The following OTOGL variants were observed in gnomAD, a reference collection of about 807,000 sequenced individuals.
The protein encoded by OTOGL is otogelin-like protein.
In OTOGL, 285 loss-of-function variants were observed where a neutral mutation model predicts 318.5. That is an observed-to-expected ratio of 0.89 (90% confidence interval 0.81 to 0.99). OTOGL has a LOEUF of 0.99. Ranked by LOEUF, OTOGL falls within the 50% of genes least tolerant of loss-of-function variation. The pLI is 0.00. For synonymous variants in OTOGL, 987 were observed against 936.5 expected (o/e 1.05, Z -0.99); for missense variants, 2,899 against 2,845.6 (o/e 1.02, Z -0.43).
chr12:80,165,696 A>G (rs1189916793), intron 1 of OTOGL, among the ~76,000 whole-genome samples: 1 of 152,242 alleles, frequency 6.6e-6, no homozygotes, highest in Non-Finnish European at 1.5e-5. Context: ...TACAAGTCAC[A>G]GATCCCATCC....
chr12:80,102,018 A>G (rs1869168306), intron 1 of OTOGL, among the ~76,000 whole-genome samples: 1 of 152,200 alleles, frequency 6.6e-6, no homozygotes, highest in African/African-American at 2.4e-5. Flanking sequence ...ATGTTCTCTT[A>G]TGCAACAATT....
chr12:80,175,462 T>C (rs931464804), intron 1 of OTOGL, among the ~76,000 whole-genome samples: 5 of 152,198 alleles, frequency 3.3e-5, no homozygotes, highest in African/African-American at 1.2e-4. Context: ...TGAAGTCACT[T>C]GTAGCATTGC....
chr12:80,233,320 C>T (rs1296664428), intron 9 of OTOGL, among the ~76,000 whole-genome samples: 1 of 152,206 alleles, frequency 6.6e-6, no homozygotes, highest in Non-Finnish European at 1.5e-5. Context: ...GAAGCACTTA[C>T]TCACATAACA....
chr12:80,238,760 G>A, intron 9 of OTOGL, 91 bp from the exon 10 acceptor site: 1 of 1,273,130 alleles, frequency 7.9e-7, no homozygotes. Flanking sequence ...TTTTGACCAG[G>A]AAGTTTGTGT....
intron 18 of OTOGL, among the ~76,000 whole-genome samples, chr12:80,259,281 C>T (rs1318946875): frequency 1.3e-5 from 2 of 151,330 alleles, no homozygotes; most frequent in African/African-American, 2.4e-5. Context: ...TCACTGTGGG[C>T]TGGGCAGCCA....
chr12:80,140,596 T>C (rs1475679093), intron 1 of OTOGL, among the ~76,000 whole-genome samples: 1 of 152,208 alleles, frequency 6.6e-6, no homozygotes, highest in African/African-American at 2.4e-5. Context: ...AACTACCTGA[T>C]GATCTTGGGC....
Position 80,320,468 on chromosome 12 carries a change from T to A in OTOGL, c.3849T>A (p.Phe1283Leu). The change falls in exon 34 of 59, where the codon TTT becomes TTA. Residue 1283 changes from phenylalanine to leucine, a missense_variant. Transcript: ENST00000547103. ...SLESAERPNY[F>L]LYVHDNDTLS... is the part of the protein sequence containing the mutation. ...AATCTGCTGAAAGGCCAAACTACTT[T>A]CTCTATGTCCATGACAATGATACTC... 2 of 1,613,504 alleles carry A rather than the reference T, an allele frequency of 1.2e-6. No individual in the cohort carries two copies. Among genetic ancestry groups the A allele is most frequent in the Non-Finnish European group, 1.7e-6 (2 of 1,179,606 alleles).
chr12:80,305,586 C>T lies in OTOGL; in HGVS notation c.3224C>T (p.Ser1075Leu), dbSNP rs1886051075. 3 of 1,556,770 alleles carry T rather than the reference C, an allele frequency of 1.9e-6. No homozygotes were observed. In the African/African-American group the frequency reaches 4.1e-5, roughly 21 times the overall value. ...KVGPQWKNKL[S>L]GLCGNFDKCT... ...TTTCTCTTACTTTAGAACAAGCTAT[C>T]AGGATTGTGTGGAAACTTTGACAAA... The change falls in exon 29 of 59, where the codon TCA becomes TTA. Residue 1075 changes from serine (S) to leucine (L), a missense_variant. Physicochemically the swap from Ser to Leu is moderately radical, Grantham distance 145. Coordinates refer to ENST00000547103, the MANE Select transcript of OTOGL (RefSeq NM_001378609.3).
At chr12:80,253,612 T>A (rs746437828) in intron 14 of OTOGL, 38 bp downstream of exon 14, 2 of 1,499,650 alleles carry the variant, frequency 1.3e-6, no homozygotes, top group East Asian at 4.5e-5. Context: ...TTCTGGGTAC[T>A]TGGCTAGTTG....
chr12:80,373,660 T>C (rs890875037), intron 57 of OTOGL, among the ~76,000 whole-genome samples: 1 of 150,722 alleles, frequency 6.6e-6, no homozygotes, highest in Admixed American at 6.7e-5. Flanking sequence ...ATGTAATATA[T>C]ACTATCTATA....
intron 1 of OTOGL, among the ~76,000 whole-genome samples, chr12:80,175,093 T>C (rs971013354): frequency 2.0e-5 from 3 of 152,116 alleles, no homozygotes; most frequent in Admixed American, 2.0e-4. Context: ...GGCACAACAG[T>C]ACAGTTTTCC....
At chr12:80,326,317 A>G (rs535669507) in intron 35 of OTOGL, among the ~76,000 whole-genome samples, 70 of 152,232 alleles carry the variant, frequency 4.6e-4, no homozygotes, top group African/African-American at 1.6e-3. Context: ...ACATATGTAA[A>G]TACTGTTATT....
At chr12:80,363,866 T>A (rs546151644) in intron 52 of OTOGL, among the ~76,000 whole-genome samples, 1 of 152,194 alleles carries the variant, frequency 6.6e-6, no homozygotes, top group East Asian at 1.9e-4. Context: ...TAGCAGTCTC[T>A]ATGTTCATAC....
intron 11 of OTOGL, among the ~76,000 whole-genome samples, chr12:80,242,578 C>T (rs975023468): frequency 6.6e-6 from 1 of 152,096 alleles, no homozygotes; most frequent in Non-Finnish European, 1.5e-5. Context: ...GGGTCCCATA[C>T]TATGAGAATG....
intron 24 of OTOGL, among the ~76,000 whole-genome samples, chr12:80,276,949 T>C (rs1162791403): frequency 2.6e-5 from 4 of 151,496 alleles, no homozygotes; most frequent in African/African-American, 9.7e-5. Context: ...TGAGAAATTA[T>C]TTCTGTTTTA....
At chr12:80,349,307 T>G (rs897672866) in intron 44 of OTOGL, among the ~76,000 whole-genome samples, 1 of 152,190 alleles carries the variant, frequency 6.6e-6, no homozygotes, top group Non-Finnish European at 1.5e-5. Context: ...ATTAGCTCAT[T>G]TAATTTTCAC....
chr12:80,193,693 G>C (rs914975382), intron 1 of OTOGL, among the ~76,000 whole-genome samples: 1 of 152,144 alleles, frequency 6.6e-6, no homozygotes, highest in African/African-American at 2.4e-5. Context: ...GAGGCTTGCG[G>C]TACATGTGCA....
chr12:80,134,149 C>A (rs1871403646), intron 1 of OTOGL, among the ~76,000 whole-genome samples: 1 of 152,178 alleles, frequency 6.6e-6, no homozygotes, highest in African/African-American at 2.4e-5. Context: ...GCTGAGAAGT[C>A]TTTCAACCTT....
At chr12:80,249,649 C>G (rs1165805978) in intron 11 of OTOGL, among the ~76,000 whole-genome samples, 1 of 152,130 alleles carries the variant, frequency 6.6e-6, no homozygotes, top group East Asian at 1.9e-4. Context: ...ATAGGTGGAG[C>G]CTACAGAGGC....
Sources: allele counts gnomAD v4.1 joint callset (sites outside exome capture counted in the v4.1 genomes callset), GRCh38; gene constraint gnomAD v4.1.1; transcripts MANE v1.5; gene names NCBI Gene and HGNC (gene_info 2026-07-23, HGNC 2026-07-21).